PPP3CC: variants seen among roughly 807,000 people sequenced by gnomAD.
The protein encoded by PPP3CC is serine/threonine-protein phosphatase 2B catalytic subunit gamma isoform.
In PPP3CC, 35 loss-of-function variants were observed where a neutral mutation model predicts 60.3. The observed-to-expected ratio is 0.58, with a 90% CI of 0.44 to 0.77. The LOEUF (loss-of-function observed/expected upper bound fraction) is 0.77. Among genes scored for constraint, PPP3CC ranks in the 30% least tolerant of loss-of-function variants. The pLI is 0.00. For synonymous variants in PPP3CC, 206 were observed against 224.3 expected (o/e 0.92, Z 0.73); for missense variants, 570 against 628.9 (o/e 0.91, Z 1.00).
At chr8:22,468,142 C>T (rs750965026) in intron 1 of PPP3CC, among the ~76,000 whole-genome samples, 4 of 152,088 alleles carry the variant, frequency 2.6e-5, no homozygotes, top group Admixed American at 6.6e-5. Context: ...CTTGCTCTGT[C>T]GCCCAGGCTG....
chr8:22,443,567 G>A (rs1366892432), intron 1 of PPP3CC, among the ~76,000 whole-genome samples: 1 of 150,068 alleles, frequency 6.7e-6, no homozygotes, highest in African/African-American at 2.5e-5. Context: ...TGCTACGCAT[G>A]CTTATTATTA....
intron 6 of PPP3CC, among the ~76,000 whole-genome samples, chr8:22,520,415 T>A (rs1378865343): frequency 6.6e-6 from 1 of 152,206 alleles, no homozygotes; most frequent in African/African-American, 2.4e-5. Context: ...TTTCTGCCCC[T>A]TTTTCTTCTC....
chr8:22,485,352 G>C (rs536889639), intron 3 of PPP3CC, among the ~76,000 whole-genome samples: 1 of 152,234 alleles, frequency 6.6e-6, no homozygotes, highest in African/African-American at 2.4e-5. Flanking sequence ...AACCCAAAGG[G>C]AAAAATCCCT....
intron 3 of PPP3CC, among the ~76,000 whole-genome samples, chr8:22,494,378 A>G (rs931192412): frequency 1.8e-4 from 28 of 152,118 alleles, no homozygotes; most frequent in African/African-American, 6.8e-4. Context: ...ATAGCACAGG[A>G]AAGACCGGCC....
intron 6 of PPP3CC, among the ~76,000 whole-genome samples, chr8:22,514,497 T>G (rs933402981): frequency 2.0e-5 from 3 of 151,874 alleles, no homozygotes; most frequent in African/African-American, 7.2e-5. Flanking sequence ...TTTTAAAATT[T>G]TTGTGGGTAC....
At chr8:22,475,366 A>G in intron 2 of PPP3CC, 134 bp from the exon 3 acceptor site, 1 of 1,093,018 alleles carries the variant, frequency 9.1e-7, no homozygotes, top group Non-Finnish European at 1.3e-6. Context: ...GAGTAGATTG[A>G]CTACAGTTTT....
chr8:22,528,695 G>GA, intron 10 of PPP3CC, 118 bp downstream of exon 10: 1 of 757,452 alleles, frequency 1.3e-6, no homozygotes, highest in East Asian at 3.2e-5. Flanking sequence ...GTTCATTGTA[G>GA]AAAAATAAAA....
intron 1 of PPP3CC, among the ~76,000 whole-genome samples, chr8:22,447,725 A>G (rs1276082377): frequency 1.3e-5 from 2 of 152,162 alleles, no homozygotes; most frequent in Admixed American, 6.5e-5. Flanking sequence ...CTTATATTCT[A>G]TCTGGTTATC....
At chr8:22,478,469 T>A (rs1458105103) in intron 3 of PPP3CC, among the ~76,000 whole-genome samples, 3 of 152,214 alleles carry the variant, frequency 2.0e-5, no homozygotes, top group Non-Finnish European at 2.9e-5. Flanking sequence ...TTTTTAGTGA[T>A]AAATTATTAT....
chr8:22,456,269 C>T (rs762909336), intron 1 of PPP3CC, among the ~76,000 whole-genome samples: 1 of 152,148 alleles, frequency 6.6e-6, no homozygotes. Flanking sequence ...TGCAGATCTA[C>T]ATCAGATTTT....
chr8:22,448,118 A>G (rs946660679), intron 1 of PPP3CC, among the ~76,000 whole-genome samples: 1 of 152,252 alleles, frequency 6.6e-6, no homozygotes, highest in Admixed American at 6.5e-5. Flanking sequence ...GCTTAGTTAT[A>G]GTAGACAATC....
intron 1 of PPP3CC, among the ~76,000 whole-genome samples, chr8:22,451,336 A>G (rs1837018475): frequency 2.0e-5 from 3 of 148,736 alleles, no homozygotes; most frequent in Admixed American, 6.7e-5. Context: ...GGGTTTCACC[A>G]TGTTGGCCAG....
intron 4 of PPP3CC, among the ~76,000 whole-genome samples, chr8:22,510,059 C>T (rs192802154): frequency 0.013 from 1,966 of 151,926 alleles, 36 homozygotes; most frequent in African/African-American, 0.043. Flanking sequence ...TGGCGTGTGC[C>T]TGTAGTCCCA....
chr8:22,532,019 T>C (rs1839729080), intron 10 of PPP3CC, among the ~76,000 whole-genome samples: 4 of 152,392 alleles, frequency 2.6e-5, no homozygotes, highest in South Asian at 2.1e-4. Flanking sequence ...CTCTCATTTT[T>C]TACTTCATCT....
Position 22,527,418 on chromosome 8 carries a change from G to T in PPP3CC, c.970G>T (p.Val324Phe). 1 of 1,613,748 alleles carries T rather than the reference G, an allele frequency of 6.2e-7. No individual in the cohort carries two copies. The highest frequency in any genetic ancestry group is 2.2e-5 in the East Asian group (1 of 44,874). Residue 324 changes from valine to phenylalanine, a missense_variant, in exon 9 of 14, where the codon GTC becomes TTC. Transcript: ENST00000240139. ...TGCTGTGTTGAAATATGAAAACAAT[G>T]TCATGAATATCAGGCAGTTTAACTG... is the stretch of plus-strand genomic sequence containing the variant. ...KAAVLKYENN[V>F]MNIRQFNCSP...
chr8:22,522,655 G>T lies in PPP3CC; in HGVS notation c.849G>T (p.Gly283=), dbSNP rs775119522. The change falls in exon 8 of 14, where the codon GGG becomes GGT. Residue 283 remains glycine (G), a splice_region_variant and synonymous_variant. Transcript: ENST00000240139. ...IIRAHEAQDA[G]YRMYRKSQAT... ...AGATGGACTTTCATCTCTTTTTCAG[G>T]TATCGAATGTACAGGAAGAGCCAAG... 1.9e-6 allele frequency: 3 copies of T among 1,601,732 alleles called. 1 individual carries two copies. The highest frequency in any genetic ancestry group is 2.2e-5 in the South Asian group (2 of 89,816).
At chr8:22,527,282 C>G in intron 8 of PPP3CC, 110 bp from the exon 9 acceptor site, 1 of 1,279,636 alleles carries the variant, frequency 7.8e-7, no homozygotes. Flanking sequence ...CCTGACTTTA[C>G]AAATGGAAAG....
intron 3 of PPP3CC, among the ~76,000 whole-genome samples, chr8:22,481,403 G>T (rs1838065949): frequency 6.7e-6 from 1 of 149,974 alleles, no homozygotes; most frequent in South Asian, 2.1e-4. Flanking sequence ...TTCAGCCAGT[G>T]ATAAAAGATT....
intron 3 of PPP3CC, among the ~76,000 whole-genome samples, chr8:22,495,741 T>C (rs1469576084): frequency 1.3e-5 from 2 of 152,086 alleles, no homozygotes; most frequent in Non-Finnish European, 2.9e-5. Flanking sequence ...GTATTTTTAG[T>C]AGAGAAGAGG....
Sources: allele counts gnomAD v4.1 joint callset (sites outside exome capture counted in the v4.1 genomes callset), GRCh38; gene constraint gnomAD v4.1.1; transcripts MANE v1.5; gene names NCBI Gene and HGNC (gene_info 2026-07-23, HGNC 2026-07-21).